Variants in KCNH8 observed in about 807,000 individuals in gnomAD.
The protein encoded by KCNH8 is potassium voltage-gated channel subfamily H member 8.
A neutral mutation model predicts 103.6 loss-of-function variants in KCNH8; 70 were observed. The observed-to-expected ratio is 0.68, with a 90% CI of 0.56 to 0.82. The LOEUF is 0.82. KCNH8 is among the 40% of genes least tolerant of loss of function. The pLI is 0.00. For synonymous variants in KCNH8, 498 were observed against 489.4 expected, an observed-to-expected ratio of 1.02 and a Z score of -0.23; for missense variants, 1,217 against 1,329.9, an observed-to-expected ratio of 0.92 and a Z score of 1.32.
At position 19,370,995 on chromosome 3, in the gene KCNH8, A is replaced by C. The variant is rs375826332; in HGVS notation, c.812-19486A>C. On this transcript the variant is annotated intron_variant, in intron 5 of 15. Coordinates refer to ENST00000328405, the MANE Select transcript of KCNH8 (RefSeq NM_144633.3). ...TGGTGTATATGTGCCACATTTTCTTAATCCAGTCTATTACTGTTGGACATT... is the reference window on the plus strand; with the variant it reads ...TGGTGTATATGTGCCACATTTTCTTCATCCAGTCTATTACTGTTGGACATT... Among the ~76,000 whole-genome samples the C allele has an allele frequency of 1.4e-4, 22 of 152,204 alleles. No homozygotes were observed. The South Asian group carries it at 1.7e-3, about 11-fold the overall frequency.
At chr3:19,497,383 G>A (rs920527959) in intron 11 of KCNH8, among the ~76,000 whole-genome samples, 20 of 152,124 alleles carry the variant, frequency 1.3e-4, no homozygotes, top group Non-Finnish European at 1.9e-4. Flanking sequence ...TGGGTGTTTA[G>A]TGCCATAAAC....
chr3:19,302,761 C>A (rs975554472), intron 3 of KCNH8, among the ~76,000 whole-genome samples: 10 of 152,116 alleles, frequency 6.6e-5, no homozygotes, highest in African/African-American at 1.2e-4. Context: ...TTCCTTAAGC[C>A]CTCTTGAAGT....
At chr3:19,151,283 T>C (rs908776940) in intron 1 of KCNH8, among the ~76,000 whole-genome samples, 1 of 152,190 alleles carries the variant, frequency 6.6e-6, no homozygotes, top group African/African-American at 2.4e-5. Context: ...GAAAACTATT[T>C]ACAAATTTTA....
intron 5 of KCNH8, among the ~76,000 whole-genome samples, chr3:19,349,532 C>T (rs1273583458): frequency 2.6e-5 from 4 of 152,062 alleles, no homozygotes; most frequent in African/African-American, 9.7e-5. Flanking sequence ...TTAACAAATA[C>T]TTCATCATCT....
chr3:19,348,098 G>A, intron 5 of KCNH8, 133 bp downstream of exon 5: 1 of 1,020,664 alleles, frequency 9.8e-7, no homozygotes, highest in South Asian at 1.6e-5. Context: ...AAATTTTGGA[G>A]AAGCACATAC....
In KCNH8 at chr3:19,253,767, A is replaced by G; in HGVS notation, c.190A>G (p.Ser64Gly). ...GFARTEVMQK[S>G]CSCKFLFGVE... ...TGCCCGAACTGAAGTCATGCAGAAGAGTTGTAGCTGCAAGTTCTTATTTGG... is the reference window on the plus strand; with the variant it reads ...TGCCCGAACTGAAGTCATGCAGAAGGGTTGTAGCTGCAAGTTCTTATTTGG... Residue 64 changes from serine to glycine, a missense_variant, in exon 2 of 16, where the codon AGT (serine) becomes GGT (glycine). By Grantham distance (56) the Ser-to-Gly change is moderately conservative. This residue lies in a region of KCNH8 where 244 missense variants were observed against 256.8 expected (regional missense o/e 0.95). Coordinates refer to ENST00000328405, the MANE Select transcript of KCNH8 (RefSeq NM_144633.3). The G allele has an allele frequency of 6.2e-7, 1 of 1,613,848 alleles. No homozygotes were observed. The highest frequency in any genetic ancestry group is 8.5e-7 in the Non-Finnish European group (1 of 1,179,864).
In KCNH8 at chr3:19,513,087, A is replaced by C. The variant is rs1427098000; in HGVS notation, c.2197A>C (p.Arg733=). 1 of 1,613,860 alleles carries C rather than the reference A, an allele frequency of 6.2e-7. No homozygotes were observed. The highest frequency in any genetic ancestry group is 1.7e-5 in the Admixed American group (1 of 59,904). ...AGTCTCCCTCTCTCCCATCTGCACA[A>C]GGGGATCTTCTTCGCGCAACAAGAA... is the stretch of plus-strand genomic sequence containing the variant. ...EAVSLSPICT[R]GSSSRNKKVG... Residue 733 remains arginine, a synonymous_variant, in exon 13 of 16, where the codon AGG becomes CGG. Transcript: ENST00000328405.
chr3:19,231,425 T>C (rs1165329978), intron 1 of KCNH8, among the ~76,000 whole-genome samples: 4 of 152,204 alleles, frequency 2.6e-5, no homozygotes, highest in Non-Finnish European at 5.9e-5. Context: ...GTGGTCTTTG[T>C]ATAATGGAAT....
chr3:19,306,431 GGT>G (rs1454966011), intron 3 of KCNH8, among the ~76,000 whole-genome samples: 1 of 151,998 alleles, frequency 6.6e-6, no homozygotes, highest in Non-Finnish European at 1.5e-5. Flanking sequence ...GAGAGAAGAG[GGT>G]CAATGGTCTT....
chr3:19,265,462 C>T (rs1488199430), intron 2 of KCNH8, among the ~76,000 whole-genome samples: 1 of 152,046 alleles, frequency 6.6e-6, no homozygotes, highest in Non-Finnish European at 1.5e-5. Flanking sequence ...ACATCATAAC[C>T]ATTTAATGAA....
intron 2 of KCNH8, among the ~76,000 whole-genome samples, chr3:19,254,270 C>G (rs1196638454): frequency 6.6e-6 from 1 of 151,918 alleles, no homozygotes; most frequent in Non-Finnish European, 1.5e-5. Flanking sequence ...CTTTAAAGAA[C>G]TACATCTCAA....
chr3:19,299,633 T>C (rs2065039657), intron 3 of KCNH8, among the ~76,000 whole-genome samples: 1 of 151,804 alleles, frequency 6.6e-6, no homozygotes, highest in Non-Finnish European at 1.5e-5. Flanking sequence ...CTTGTATCCC[T>C]GAACTTAAAA....
At chr3:19,373,831 A>G (rs1383633176) in intron 5 of KCNH8, among the ~76,000 whole-genome samples, 1 of 152,066 alleles carries the variant, frequency 6.6e-6, no homozygotes, top group Non-Finnish European at 1.5e-5. Flanking sequence ...TTGGTTTCAA[A>G]GAACTTCTTT....
At chr3:19,293,576 C>T (rs2064958815) in intron 3 of KCNH8, among the ~76,000 whole-genome samples, 1 of 152,136 alleles carries the variant, frequency 6.6e-6, no homozygotes, top group Admixed American at 6.5e-5. Flanking sequence ...TTGAGAAGCC[C>T]TGTGACATAT....
intron 5 of KCNH8, among the ~76,000 whole-genome samples, chr3:19,372,730 A>C (rs2066120338): frequency 6.6e-6 from 1 of 152,122 alleles, no homozygotes; most frequent in African/African-American, 2.4e-5. Flanking sequence ...CCCATTCAGT[A>C]TGATATTGGC....
chr3:19,484,603 G>A (rs992765829), intron 11 of KCNH8, among the ~76,000 whole-genome samples: 5 of 152,080 alleles, frequency 3.3e-5, no homozygotes, highest in Non-Finnish European at 7.4e-5. Context: ...GGTTTCACAT[G>A]GCTGTTGTGG....
rs531253605 is a variant in KCNH8 at position 19,526,607 on chromosome 3, C to T, written c.2620-6788C>T. On this transcript the variant is annotated intron_variant, in intron 15 of 15. Transcript: ENST00000328405. ...ACAATCTAACTGTGGACACTGACAA[C>T]GCATGGTGTTATTGGAATAATAGGT... Among the ~76,000 whole-genome samples, 59 of 152,002 alleles carry T rather than the reference C, an allele frequency of 3.9e-4. 1 individual carries two copies. Among genetic ancestry groups the T allele is most frequent in the Admixed American group, 2.3e-3 (35 of 15,244 alleles).
At chr3:19,439,920 GA>G (rs2067256240) in intron 8 of KCNH8, among the ~76,000 whole-genome samples, 1 of 151,590 alleles carries the variant, frequency 6.6e-6, no homozygotes, top group South Asian at 2.1e-4. Flanking sequence ...AGGGAAGGAA[GA>G]AAAAGTGGAG....
intron 3 of KCNH8, among the ~76,000 whole-genome samples, chr3:19,282,865 C>A (rs1237991507): frequency 1.3e-5 from 2 of 151,964 alleles, no homozygotes; most frequent in African/African-American, 4.8e-5. Context: ...AGATTGGAGA[C>A]CAAAATATCA....
Sources: allele counts gnomAD v4.1 joint callset (sites outside exome capture counted in the v4.1 genomes callset), GRCh38; gene constraint gnomAD v4.1.1; regional missense constraint gnomAD v4.1.1; transcripts MANE v1.5; gene names NCBI Gene and HGNC (gene_info 2026-07-23, HGNC 2026-07-21).